DLGAP2: variants seen among roughly 807,000 people sequenced by gnomAD.
The protein encoded by DLGAP2 is disks large-associated protein 2.
A neutral mutation model predicts 100.3 loss-of-function variants in DLGAP2; 26 were observed. That is an observed-to-expected ratio of 0.26 (90% CI 0.19 to 0.36). The LOEUF is 0.36. Ranked by LOEUF, DLGAP2 falls within the 10% of genes least tolerant of loss-of-function variation. The pLI is 1.00. For missense variants in DLGAP2, 1,858 were observed against 1,453.2 expected (o/e 1.28, Z -4.53); for synonymous variants, 886 against 630.1 (o/e 1.41, Z -6.08).
chr8:1,587,260 T>A (rs534406836), intron 6 of DLGAP2, among the ~76,000 whole-genome samples: 1 of 152,288 alleles, frequency 6.6e-6, no homozygotes, highest in Admixed American at 6.5e-5. Flanking sequence ...TCTTAGGAGA[T>A]TTTTATAGAT....
intron 1 of DLGAP2, among the ~76,000 whole-genome samples, chr8:814,897 C>T (rs925946388): frequency 6.7e-6 from 1 of 150,368 alleles, no homozygotes; most frequent in Non-Finnish European, 1.5e-5. Flanking sequence ...CATTATAGCC[C>T]TTGAAATGAA....
intron 6 of DLGAP2, among the ~76,000 whole-genome samples, chr8:1,579,960 G>T (rs953540709): frequency 6.6e-6 from 1 of 152,182 alleles, no homozygotes; most frequent in African/African-American, 2.4e-5. Context: ...GCACGACTCA[G>T]CCAGCTCTGC....
At position 907,920 on chromosome 8, in the gene DLGAP2, T is replaced by A. The variant is rs1798413311; in HGVS notation, c.27T>A (p.Pro9=). 2.5e-6 allele frequency: 1 copy of A among 398,894 alleles called. No individual in the cohort carries two copies. Among genetic ancestry groups the A allele is most frequent in the African/African-American group, 2.1e-5 (1 of 48,652 alleles). The allele number at this position is 398,894 out of a possible 1,614,324, so 24.7% of individuals were successfully genotyped here. Residue 9 remains proline (P), a synonymous_variant, in exon 2 of 15, where the codon CCT becomes CCA. Transcript: ENST00000637795. Reference sequence around the variant, plus strand: ...TATTTGTTTTAAAACAGGTTTTGCCTGGCATTCTGCAGAAGCATTGCTGTA... The same window carrying A: ...TATTTGTTTTAAAACAGGTTTTGCCAGGCATTCTGCAGAAGCATTGCTGTA... The part of the protein sequence containing the change: MSALRKVL[P]GILQKHCCIL...
intron 2 of DLGAP2, among the ~76,000 whole-genome samples, chr8:1,005,227 C>T (rs1801071884): frequency 6.6e-6 from 1 of 152,104 alleles, no homozygotes; most frequent in Admixed American, 6.5e-5. Flanking sequence ...AATACATTTG[C>T]TTGGCCTTGA....
rs1035616327 is a variant in DLGAP2, at chr8:1,465,522, A to G, written c.107-35844A>G. 3.9e-5 allele frequency among the ~76,000 whole-genome samples: 6 copies of G among 152,238 alleles called. No individual in the cohort carries two copies. In the East Asian group the frequency reaches 1.2e-3, roughly 30 times the overall value. On this transcript the variant is annotated intron_variant, in intron 3 of 14. Transcript: ENST00000637795. ...TGTTTGGTGGTTTATTATAAAGGAT[A>G]CAGGTGAAGAGATGAGCAAGGGAAG...
intron 3 of DLGAP2, among the ~76,000 whole-genome samples, chr8:1,359,555 G>A (rs1209309641): frequency 6.6e-6 from 1 of 152,254 alleles, no homozygotes; most frequent in Non-Finnish European, 1.5e-5. Flanking sequence ...GGAGGGATTT[G>A]GGCTGAAGCC....
chr8:1,172,915 T>G (rs1031828607), intron 2 of DLGAP2, among the ~76,000 whole-genome samples: 1 of 152,242 alleles, frequency 6.6e-6, no homozygotes, highest in African/African-American at 2.4e-5. Flanking sequence ...TTTGTTCGAT[T>G]GCTGGTGAGG....
chr8:1,520,171 A>G (rs1558024), intron 4 of DLGAP2, among the ~76,000 whole-genome samples: 54,967 of 152,152 alleles, frequency 0.36, 11,044 homozygotes, highest in South Asian at 0.54. Flanking sequence ...GACGAGATCA[A>G]TGGTTCATCA....
intron 2 of DLGAP2, among the ~76,000 whole-genome samples, chr8:1,243,069 C>T (rs1485716925): frequency 6.6e-6 from 1 of 152,166 alleles, no homozygotes; most frequent in Non-Finnish European, 1.5e-5. Context: ...TTTTCACGTC[C>T]CCATGTTGCG....
intron 2 of DLGAP2, among the ~76,000 whole-genome samples, chr8:925,077 A>C (rs1230741390): frequency 6.6e-6 from 1 of 152,152 alleles, no homozygotes; most frequent in African/African-American, 2.4e-5. Context: ...ATTGATAATT[A>C]TGTTGATAAT....
At chr8:1,268,957 A>T (rs1000182007) in intron 3 of DLGAP2, among the ~76,000 whole-genome samples, 2 of 152,214 alleles carry the variant, frequency 1.3e-5, no homozygotes, top group Non-Finnish European at 2.9e-5. Context: ...CTCTATCTGC[A>T]GCTGATTCTG....
chr8:823,698 G>A (rs950445433), intron 1 of DLGAP2, among the ~76,000 whole-genome samples: 5 of 152,102 alleles, frequency 3.3e-5, no homozygotes, highest in Admixed American at 6.5e-5. Flanking sequence ...GATGTTGATC[G>A]AAATGTTTTT....
chr8:1,066,668 G>A (rs2129036363), intron 2 of DLGAP2, among the ~76,000 whole-genome samples: 1 of 152,334 alleles, frequency 6.6e-6, no homozygotes, highest in African/African-American at 2.4e-5. Context: ...GCAGGTCTGA[G>A]TGAGGACAGT....
intron 2 of DLGAP2, among the ~76,000 whole-genome samples, chr8:1,004,579 G>T (rs376726508): frequency 4.2e-4 from 64 of 152,306 alleles, no homozygotes; most frequent in African/African-American, 1.4e-3. Context: ...AGACCCTCCT[G>T]TATAGTGCCT....
At chr8:765,119 G>C (rs183436908) in intron 1 of DLGAP2, among the ~76,000 whole-genome samples, 1 of 152,150 alleles carries the variant, frequency 6.6e-6, no homozygotes, top group Non-Finnish European at 1.5e-5. Context: ...ACAGTGGGTG[G>C]GGTGCCCGTC....
chr8:1,548,311 T>G (rs181694845), intron 4 of DLGAP2, among the ~76,000 whole-genome samples: 1 of 151,068 alleles, frequency 6.6e-6, no homozygotes, highest in African/African-American at 2.4e-5. Flanking sequence ...AATACAAAAT[T>G]AGCCGGGCGT....
chr8:1,302,048 C>A (rs947515323), intron 3 of DLGAP2: 1 of 152,308 alleles, frequency 6.6e-6, no homozygotes, highest in Non-Finnish European at 1.5e-5. Context: ...CTTTTCCAAC[C>A]TGTGTGTGCT....
In DLGAP2 at chr8:1,322,607, G is replaced by A. The variant is rs11779657; in HGVS notation, c.106+63724G>A. ...ATGGAAATGTGTGCGCCCACCTGGC[G>A]TGCTGTCTCCTGCCTCTGTGATTTC... On this transcript the variant is annotated intron_variant, in intron 3 of 14. Coordinates refer to ENST00000637795, the MANE Select transcript of DLGAP2 (RefSeq NM_001346810.2). Among the ~76,000 whole-genome samples the A allele has an allele frequency of 2.0e-3, 305 of 152,058 alleles. 2 individuals carry two copies. Among genetic ancestry groups the A allele is most frequent in the Non-Finnish European group, 3.1e-3 (212 of 68,008 alleles).
chr8:1,102,070 A>G (rs1804603904), intron 2 of DLGAP2, among the ~76,000 whole-genome samples: 1 of 151,988 alleles, frequency 6.6e-6, no homozygotes, highest in African/African-American at 2.4e-5. Flanking sequence ...AAATGTTCAG[A>G]TAAAGAGAAG....
Sources: gnomAD v4.1 joint callset for allele counts (sites outside exome capture counted in the v4.1 genomes callset) on GRCh38, gnomAD v4.1.1 for gene constraint, MANE v1.5 for transcripts, NCBI Gene and HGNC (gene_info 2026-07-23, HGNC 2026-07-21) for gene names.